Variants in ZNF584 observed in about 807,000 individuals in gnomAD.
ZNF584 encodes zinc finger protein 584.
Under a neutral mutation model 14.7 loss-of-function variants are expected in ZNF584, and 12 were observed. That is an observed-to-expected ratio of 0.82 (90% CI 0.52 to 1.32). The LOEUF is 1.32. Among genes scored for constraint, ZNF584 ranks in the 40% most tolerant of loss-of-function variants. ZNF584 has a pLI of 0.00. For missense variants in ZNF584, 478 were observed against 518.8 expected (o/e 0.92, Z 0.76); for synonymous variants, 204 against 190.9 (o/e 1.07, Z -0.57).
chr19:58,415,660 AG>A lies in ZNF584; in HGVS notation c.292+18del. 1 of 1,612,816 alleles carries A rather than the reference AG, an allele frequency of 6.2e-7. No individual in the cohort carries two copies. On this transcript the variant is annotated intron_variant, in intron 3 of 3. Transcript: ENST00000306910. Reference sequence around the variant, plus strand: ...GTTTTGGTCTTGGTAAGTGGAGTGGAGGGGAATACCTTGGTTTCAGCAGTGG... The same window carrying A: ...GTTTTGGTCTTGGTAAGTGGAGTGGAGGGAATACCTTGGTTTCAGCAGTGG...
At chr19:58,407,132 G>A (rs1324348000), upstream of ZNF584, 2 of 152,284 alleles carry the variant, frequency 1.3e-5, no homozygotes, top group African/African-American at 4.8e-5. Flanking sequence ...GCATTCACCA[G>A]GGGTAGATCT....
At chr19:58,413,609 C>A (rs867313943) in intron 2 of ZNF584, among the ~76,000 whole-genome samples, 1 of 150,978 alleles carries the variant, frequency 6.6e-6, no homozygotes, top group Admixed American at 6.6e-5. Flanking sequence ...CAAGTTCAAG[C>A]GATTCTCCTG....
intron 2 of ZNF584, among the ~76,000 whole-genome samples, chr19:58,411,655 C>A (rs1352475334): frequency 2.0e-5 from 3 of 151,508 alleles, no homozygotes; most frequent in Non-Finnish European, 4.4e-5. Flanking sequence ...ATTGCCTTTT[C>A]TTTTTTTGAG....
In ZNF584 at chr19:58,410,186, T is replaced by C. The variant is rs980377104; in HGVS notation, c.169+95T>C. On this transcript the variant is annotated intron_variant, in intron 2 of 3. Coordinates refer to ENST00000306910, the MANE Select transcript of ZNF584 (RefSeq NM_173548.3). ...TAACGAAGCCAGACCATGGGGGCTCTTTCCTTCCCAGATTCCCTGTTGTAG... is the reference window on the plus strand; with the variant it reads ...TAACGAAGCCAGACCATGGGGGCTCCTTCCTTCCCAGATTCCCTGTTGTAG... 6.9e-6 allele frequency: 10 copies of C among 1,438,932 alleles called. No individual in the cohort carries two copies. In the East Asian group the frequency reaches 1.7e-4, roughly 25 times the overall value. 89.1% of individuals were successfully genotyped at this position (1,438,932 alleles called of 1,614,324 possible).
intron 1 of ZNF584, among the ~76,000 whole-genome samples, chr19:58,403,059 C>T (rs1291960817): frequency 6.6e-6 from 1 of 152,114 alleles, no homozygotes; most frequent in Non-Finnish European, 1.5e-5. Context: ...TGGGAACTCT[C>T]GTTTACTGCT....
rs2052661297 is a variant in ZNF584, at chr19:58,417,545, C to T, written c.1027C>T (p.Gln343Ter). ...CTACGTGACCCGTTCAGGCCTCTAT[C>T]AGCACTGGAAAGTCCACACTGGGGA... ...KGYVTRSGLY[Q>*]HWKVHTGERP... The change falls in exon 4 of 4, where the codon CAG (glutamine) becomes TAG (stop). Residue 343 changes from glutamine (Q) to a stop codon, truncating the protein, a stop_gained. Coordinates refer to ENST00000306910, the MANE Select transcript of ZNF584 (RefSeq NM_173548.3). LOFTEE classifies it low-confidence loss of function (END_TRUNC). 6 of 1,614,196 alleles carry T rather than the reference C, an allele frequency of 3.7e-6. No homozygotes were observed. Among genetic ancestry groups the T allele is most frequent in the Non-Finnish European group, 5.1e-6 (6 of 1,180,034 alleles).
intron 2 of ZNF584, among the ~76,000 whole-genome samples, chr19:58,414,400 G>A (rs558965383): frequency 3.8e-4 from 57 of 151,174 alleles, no homozygotes; most frequent in African/African-American, 1.3e-3. Context: ...GTGCAGTGGC[G>A]CGATCTCAGC....
chr19:58,417,928 G>A lies in ZNF584; in HGVS notation c.*144G>A, dbSNP rs913083706. The A allele has an allele frequency of 5.5e-5, 57 of 1,039,934 alleles. No individual in the cohort carries two copies. Among genetic ancestry groups the A allele is most frequent in the Middle Eastern group, 3.1e-4 (1 of 3,228 alleles). The allele number at this position is 1,039,934 out of a possible 1,614,324, so 64.4% of individuals were successfully genotyped here. A position where few individuals can be genotyped will look rare whatever the true frequency, so the allele number is the denominator to read the frequency against. ...CCCGTGTGTGCCTGGTGTGTGGGAC[G>A]CTTTCGGGAGCCACATTGCACTCTG... On this transcript the variant is annotated 3_prime_UTR_variant, in exon 4 of 4. Transcript: ENST00000306910.
At position 58,408,893 on chromosome 19, in the gene ZNF584, C is replaced by T. The variant is rs1311417443; in HGVS notation, c.-255C>T. On this transcript the variant is annotated 5_prime_UTR_variant, in exon 1 of 4. Transcript: ENST00000306910. ...AGGGACCTTTGCCGCGCCTTCCACG[C>T]GCCGTGCCCCACCGGCGAGTGGCTC... 4.6e-5 allele frequency: 19 copies of T among 411,938 alleles called. No individual in the cohort carries two copies. The East Asian group carries it at 5.9e-4, about 13-fold the overall frequency. 25.5% of individuals were successfully genotyped at this position (411,938 alleles called of 1,614,324 possible).
intron 3 of ZNF584, 152 bp downstream of exon 3, chr19:58,415,798 C>T: frequency 6.2e-7 from 1 of 1,607,646 alleles, no homozygotes; most frequent in Non-Finnish European, 8.5e-7. Context: ...TGCAGTCTGC[C>T]ATCTCTACCA....
chr19:58,415,173 G>T (rs535921131), intron 2 of ZNF584, among the ~76,000 whole-genome samples: 1 of 151,864 alleles, frequency 6.6e-6, no homozygotes, highest in East Asian at 1.9e-4. Context: ...GATTACAGGC[G>T]TGAGCCACTG....
chr19:58,411,172 C>A (rs572795738), intron 2 of ZNF584, among the ~76,000 whole-genome samples: 23 of 152,024 alleles, frequency 1.5e-4, no homozygotes, highest in African/African-American at 5.3e-4. Context: ...TGGTTTTTTG[C>A]AGATGCCCAT....
At chr19:58,409,761 A>G (rs528843614) in intron 1 of ZNF584, among the ~76,000 whole-genome samples, 180 bp from the exon 2 acceptor site, 1 of 152,244 alleles carries the variant, frequency 6.6e-6, no homozygotes, top group Admixed American at 6.5e-5. Context: ...TTCCTCTGGG[A>G]TAGGAGAAGG....
At position 58,410,553 on chromosome 19, in the gene ZNF584, ATATATG is replaced by A. The variant is rs1461603599; in HGVS notation, c.169+464_169+469del. Among the ~76,000 whole-genome samples the A allele has an allele frequency of 1.2e-3, 34 of 28,248 alleles. 11 individuals carry two copies. The highest frequency in any genetic ancestry group is 0.01 in the African/African-American group (33 of 3,202). 18.5% of individuals were successfully genotyped at this position (28,248 alleles called of 152,430 possible). ...TATATATATATATATATATATATATATATATGTGTATATATATATGTATATATATGT... is the reference window on the plus strand; with the variant it reads ...TATATATATATATATATATATATATATGTATATATATATGTATATATATGT... On this transcript the variant is annotated intron_variant, in intron 2 of 3. Coordinates refer to ENST00000306910, the MANE Select transcript of ZNF584 (RefSeq NM_173548.3).
Position 58,409,066 on chromosome 19 carries a change from C to T in ZNF584, c.-82C>T, listed in dbSNP as rs1291270569. 3 of 1,446,216 alleles carry T rather than the reference C, an allele frequency of 2.1e-6. No homozygotes were observed. Among genetic ancestry groups the T allele is most frequent in the Non-Finnish European group, 2.8e-6 (3 of 1,087,556 alleles). 89.6% of individuals were successfully genotyped at this position (1,446,216 alleles called of 1,614,324 possible). On this transcript the variant is annotated 5_prime_UTR_variant, in exon 1 of 4. It adds an upstream start codon to the 5' untranslated region. Coordinates refer to ENST00000306910, the MANE Select transcript of ZNF584 (RefSeq NM_173548.3). ...GGGAGAGCTTCCCGGGAAGGTTCCA[C>T]GGCGGCCGAGGGTTTCCGCGCCCGG...
chr19:58,408,942 G>T lies in ZNF584; in HGVS notation c.-206G>T. ...TCCATCTTCCTCAGACTTATCGCTC[G>T]CGGACAGGCGCCGTGGGTCTCCCGG... On this transcript the variant is annotated 5_prime_UTR_variant, in exon 1 of 4. Coordinates refer to ENST00000306910, the MANE Select transcript of ZNF584 (RefSeq NM_173548.3). The T allele has an allele frequency of 1.9e-6, 1 of 518,986 alleles. No homozygotes were observed. Among genetic ancestry groups the T allele is most frequent in the Admixed American group, 4.2e-5 (1 of 23,912 alleles). The allele number at this position is 518,986 out of a possible 1,614,324, so 32.1% of individuals were successfully genotyped here. A position where few individuals can be genotyped will look rare whatever the true frequency, so the allele number is the denominator to read the frequency against.
chr19:58,415,505 T>C lies in ZNF584; in HGVS notation c.170-19T>C. 1 of 1,605,162 alleles carries C rather than the reference T, an allele frequency of 6.2e-7. No individual in the cohort carries two copies. The highest frequency in any genetic ancestry group is 8.5e-7 in the Non-Finnish European group (1 of 1,173,398). ...GCCACCATGCCCAGCCTGTTTCTTT[T>C]ACTACCTGTCACCCGCAGGACTTGC... On this transcript the variant is annotated intron_variant, in intron 2 of 3. Coordinates refer to ENST00000306910, the MANE Select transcript of ZNF584 (RefSeq NM_173548.3).
At chr19:58,409,592 CTG>C (rs1439070260) in intron 1 of ZNF584, among the ~76,000 whole-genome samples, 1 of 152,152 alleles carries the variant, frequency 6.6e-6, no homozygotes, top group Non-Finnish European at 1.5e-5. Flanking sequence ...GGTATGATCT[CTG>C]GGACTGGAAT....
chr19:58,415,095 G>A (rs1019020187), intron 2 of ZNF584, among the ~76,000 whole-genome samples: 29 of 151,988 alleles, frequency 1.9e-4, no homozygotes, highest in South Asian at 1.2e-3. Context: ...GGGTTTCACC[G>A]TGTTAGCCAG....
Sources: gnomAD v4.1 joint callset for allele counts (sites outside exome capture counted in the v4.1 genomes callset) on GRCh38, gnomAD v4.1.1 for gene constraint, MANE v1.5 for transcripts, NCBI Gene and HGNC (gene_info 2026-07-23, HGNC 2026-07-21) for gene names.